The following GALNT13 variants were observed in gnomAD, a reference collection of about 807,000 sequenced individuals.
GALNT13 encodes polypeptide N-acetylgalactosaminyltransferase 13.
GALNT13 carries 28 observed loss-of-function variants against 64.2 expected under a neutral mutation model. The observed-to-expected ratio is 0.44, with a 90% confidence interval of 0.32 to 0.60. The LOEUF is 0.60. Ranked by LOEUF, GALNT13 falls within the 20% of genes least tolerant of loss-of-function variation. The probability of loss-of-function intolerance (pLI) is 0.05; values close to 1 mark genes in which losing one functional copy is unlikely to be tolerated. For synonymous variants in GALNT13, 214 were observed against 224.6 expected (o/e 0.95, Z 0.42); for missense variants, 577 against 669.8 (o/e 0.86, Z 1.53).
the GALNT13 span, among the ~76,000 whole-genome samples, chr2:153,465,323 G>A: frequency 6.6e-6 from 1 of 152,016 alleles, no homozygotes; most frequent in Non-Finnish European, 1.5e-5. Flanking sequence ...CATGGTCTGT[G>A]TTCTTTGCAG....
chr2:154,131,206 C>T (rs1028135012), intron 3 of GALNT13, among the ~76,000 whole-genome samples: 7 of 151,822 alleles, frequency 4.6e-5, no homozygotes, highest in African/African-American at 1.7e-4. Flanking sequence ...TTCCAGGAAA[C>T]ATTTGTGACT....
chr2:154,300,017 A>G (rs1693340133), intron 8 of GALNT13, among the ~76,000 whole-genome samples: 1 of 151,788 alleles, frequency 6.6e-6, no homozygotes, highest in Non-Finnish European at 1.5e-5. Context: ...ACTGCTACCC[A>G]AGTCCAATAG....
At chr2:154,316,974 AG>A (rs1334158692) in intron 9 of GALNT13, among the ~76,000 whole-genome samples, 1 of 152,192 alleles carries the variant, frequency 6.6e-6, no homozygotes, top group Admixed American at 6.6e-5. Flanking sequence ...GCACTTTGGG[AG>A]GCCAAGGCAG....
intron 3 of GALNT13, among the ~76,000 whole-genome samples, chr2:154,056,155 A>C (rs545072197): frequency 6.6e-6 from 1 of 152,066 alleles, no homozygotes; most frequent in South Asian, 2.1e-4. Context: ...AAAGGAAAAA[A>C]CTCAGAAAGT....
intron 11 of GALNT13, among the ~76,000 whole-genome samples, chr2:154,413,278 A>T (rs725585): frequency 0.6 from 90,434 of 151,688 alleles, 27,493 homozygotes; most frequent in East Asian, 0.72. Flanking sequence ...ACATAGAAAC[A>T]TACTTCTGAA....
intron 4 of GALNT13, among the ~76,000 whole-genome samples, chr2:154,227,307 T>C (rs934840031): frequency 6.6e-6 from 1 of 152,144 alleles, no homozygotes; most frequent in African/African-American, 2.4e-5. Flanking sequence ...CTCCACTGGC[T>C]ACCTGGGGCA....
At chr2:153,656,317 A>AGTGTGTGTGTGTGTGTGTGT in the GALNT13 span, among the ~76,000 whole-genome samples, 2 of 149,362 alleles carry the variant, frequency 1.3e-5, no homozygotes, top group East Asian at 2.0e-4. Flanking sequence ...GACTTAAAGA[A>AGTGTGTGTGTGTGTGTGTGT]GTGTGTGTGT....
chr2:153,192,608 A>G, the GALNT13 span, among the ~76,000 whole-genome samples: 4 of 152,062 alleles, frequency 2.6e-5, no homozygotes, highest in African/African-American at 9.7e-5. Context: ...GAAGTCCCCA[A>G]ATATTATATA....
At chr2:153,514,603 TCTC>T in the GALNT13 span, among the ~76,000 whole-genome samples, 2 of 152,088 alleles carry the variant, frequency 1.3e-5, no homozygotes, top group African/African-American at 4.8e-5. Context: ...TCCCCTCTCT[TCTC>T]CTCCGCACTC....
At chr2:153,948,778 C>A (rs561637693) in intron 3 of GALNT13, among the ~76,000 whole-genome samples, 1 of 152,218 alleles carries the variant, frequency 6.6e-6, no homozygotes, top group Admixed American at 6.6e-5. Flanking sequence ...AGCTCATGTT[C>A]TCACTTATAA....
At chr2:153,546,413 T>C in the GALNT13 span, among the ~76,000 whole-genome samples, 1 of 152,210 alleles carries the variant, frequency 6.6e-6, no homozygotes. Context: ...CTGCAAATTA[T>C]GTAGCTGATC....
At chr2:154,385,929 C>G (rs1241014383) in intron 9 of GALNT13, among the ~76,000 whole-genome samples, 1 of 151,996 alleles carries the variant, frequency 6.6e-6, no homozygotes, top group Non-Finnish European at 1.5e-5. Context: ...TCTGAGTCCA[C>G]AAAAGAAATT....
chr2:154,322,194 C>G (rs1380233471), intron 9 of GALNT13, among the ~76,000 whole-genome samples: 7 of 114,068 alleles, frequency 6.1e-5, no homozygotes, highest in African/African-American at 2.0e-4. Flanking sequence ...GGATACTGAC[C>G]TAACCTCACA....
the GALNT13 span, among the ~76,000 whole-genome samples, chr2:153,287,365 A>T: frequency 5.3e-5 from 8 of 152,166 alleles, no homozygotes; most frequent in African/African-American, 1.9e-4. Context: ...CGCTTGTGTT[A>T]GTCAGCTCAG....
chr2:153,549,570 A>G, the GALNT13 span, among the ~76,000 whole-genome samples: 1 of 152,182 alleles, frequency 6.6e-6, no homozygotes, highest in Admixed American at 6.5e-5. Context: ...AACTGTAGCC[A>G]TATGATCAAG....
intron 3 of GALNT13, among the ~76,000 whole-genome samples, chr2:153,990,045 A>G (rs1695059395): frequency 6.6e-6 from 1 of 152,138 alleles, no homozygotes; most frequent in African/African-American, 2.4e-5. Context: ...ATAGAGTAAC[A>G]TAAGTAGCAT....
the GALNT13 span, among the ~76,000 whole-genome samples, chr2:153,435,420 A>T: frequency 6.6e-6 from 1 of 152,128 alleles, no homozygotes; most frequent in East Asian, 1.9e-4. Flanking sequence ...TACCTTGGGC[A>T]GTATGGCCAT....
chr2:154,334,831 C>T (rs1010919751), intron 9 of GALNT13, among the ~76,000 whole-genome samples: 1 of 151,962 alleles, frequency 6.6e-6, no homozygotes, highest in Non-Finnish European at 1.5e-5. Context: ...CCACCTGTTT[C>T]CTTAATTCAC....
At chr2:153,658,932 T>A in the GALNT13 span, among the ~76,000 whole-genome samples, 1 of 152,116 alleles carries the variant, frequency 6.6e-6, no homozygotes. Flanking sequence ...TGCCTTCTAA[T>A]GTACATATAT....
Sources: gnomAD v4.1 joint callset for allele counts (sites outside exome capture counted in the v4.1 genomes callset) on GRCh38, gnomAD v4.1.1 for gene constraint, MANE v1.5 for transcripts, NCBI Gene and HGNC (gene_info 2026-07-23, HGNC 2026-07-21) for gene names.